Variants in ANTXR1 observed in about 807,000 individuals in gnomAD.
ANTXR1 encodes the protein ANTXR cell adhesion molecule 1.
A neutral mutation model predicts 78.1 loss-of-function variants in ANTXR1; 19 were observed. That is an observed-to-expected ratio of 0.24 (90% confidence interval 0.17 to 0.36). The LOEUF is 0.36. Among genes scored for constraint, ANTXR1 ranks in the 10% least tolerant of loss-of-function variants. The pLI is 1.00. For synonymous variants in ANTXR1, 273 were observed against 260.5 expected (o/e 1.05, Z -0.46); for missense variants, 518 against 718.6 (o/e 0.72, Z 3.19).
intron 12 of ANTXR1, among the ~76,000 whole-genome samples, chr2:69,138,838 G>C (rs1335098888): frequency 2.0e-5 from 3 of 152,108 alleles, no homozygotes; most frequent in Admixed American, 2.0e-4. Context: ...CAGGAAAACT[G>C]TTTCATTTGC....
chr2:69,193,855 G>A (rs538041363), intron 17 of ANTXR1, among the ~76,000 whole-genome samples: 67 of 152,290 alleles, frequency 4.4e-4, no homozygotes, highest in Non-Finnish European at 8.5e-4. Flanking sequence ...GATGGGGTGA[G>A]GGCAAGGAAG....
intron 10 of ANTXR1, among the ~76,000 whole-genome samples, chr2:69,109,471 A>T (rs985809336): frequency 6.6e-6 from 1 of 152,254 alleles, no homozygotes; most frequent in African/African-American, 2.4e-5. Context: ...AAAACGCTGC[A>T]GTAATTGGAA....
intron 9 of ANTXR1, among the ~76,000 whole-genome samples, chr2:69,096,133 C>T (rs1246061215): frequency 1.3e-5 from 2 of 151,758 alleles, no homozygotes; most frequent in Non-Finnish European, 2.9e-5. Context: ...TGGCGGGCTC[C>T]TGTAGTCCCA....
intron 1 of ANTXR1, among the ~76,000 whole-genome samples, chr2:69,014,369 A>T (rs1453514765): frequency 6.6e-6 from 1 of 151,900 alleles, no homozygotes; most frequent in Non-Finnish European, 1.5e-5. Flanking sequence ...ATGCCTCCAG[A>T]CATTGCCAAA....
At chr2:69,060,810 CA>C (rs1670213087) in intron 3 of ANTXR1, among the ~76,000 whole-genome samples, 1 of 152,034 alleles carries the variant, frequency 6.6e-6, no homozygotes, top group Admixed American at 6.6e-5. Flanking sequence ...TGAGGACTTC[CA>C]ACTTTAAAAT....
At chr2:69,075,566 A>ATGTCCTTTC (rs1181298054) in intron 6 of ANTXR1, 24 bp from the exon 7 acceptor site, 12 of 1,611,450 alleles carry the variant, frequency 7.4e-6, no homozygotes, top group Non-Finnish European at 1.0e-5. Context: ...TCTCTTTCTA[A>ATGTCCTTTC]TGTCCTTTCT....
intron 3 of ANTXR1, among the ~76,000 whole-genome samples, chr2:69,069,267 T>G (rs148588668): frequency 3.4e-4 from 52 of 152,316 alleles, no homozygotes; most frequent in Non-Finnish European, 6.8e-4. Flanking sequence ...TTTATCATAC[T>G]GATTAAGAAC....
At chr2:69,123,834 C>A (rs147949357) in intron 11 of ANTXR1, among the ~76,000 whole-genome samples, 214 of 152,238 alleles carry the variant, frequency 1.4e-3, no homozygotes, top group African/African-American at 4.8e-3. Context: ...AATAACCTCT[C>A]CAAAACCGTG....
At chr2:69,118,038 A>G (rs1672209171) in intron 10 of ANTXR1, among the ~76,000 whole-genome samples, 1 of 152,172 alleles carries the variant, frequency 6.6e-6, no homozygotes, top group African/African-American at 2.4e-5. Flanking sequence ...CCTTGGGTAA[A>G]CCTATGTCAT....
At chr2:69,101,926 G>T (rs1671634549) in intron 9 of ANTXR1, among the ~76,000 whole-genome samples, 1 of 152,322 alleles carries the variant, frequency 6.6e-6, no homozygotes, top group South Asian at 2.1e-4. Context: ...TAATTATTGG[G>T]TTTTTTCCAT....
chr2:69,047,770 T>C (rs1317054597), intron 3 of ANTXR1, among the ~76,000 whole-genome samples: 3 of 152,160 alleles, frequency 2.0e-5, no homozygotes, highest in Non-Finnish European at 4.4e-5. Flanking sequence ...CAGCAGGTGA[T>C]ATAGGCAGTA....
At position 69,245,732 on chromosome 2, in the gene ANTXR1, G is replaced by T; in HGVS notation, c.*247G>T. The T allele has an allele frequency of 2.0e-6, 1 of 491,926 alleles. No individual in the cohort carries two copies. 30.5% of individuals were successfully genotyped at this position (491,926 alleles called of 1,614,324 possible). On this transcript the variant is annotated 3_prime_UTR_variant, in exon 18 of 18. Coordinates refer to ENST00000303714, the MANE Select transcript of ANTXR1 (RefSeq NM_032208.3). Reference sequence around the variant, plus strand: ...GCCAGCCATCTATCACCTCTAGAAGGTTCCAGAGACAGTGAAACTGCAAGA... The same window carrying T: ...GCCAGCCATCTATCACCTCTAGAAGTTTCCAGAGACAGTGAAACTGCAAGA...
At chr2:69,075,289 G>A (rs926921933) in intron 6 of ANTXR1, among the ~76,000 whole-genome samples, 1 of 152,144 alleles carries the variant, frequency 6.6e-6, no homozygotes, top group Non-Finnish European at 1.5e-5. Context: ...AATGGAAAAG[G>A]TAATCATTTC....
chr2:69,155,765 C>A (rs1287399705), intron 13 of ANTXR1, among the ~76,000 whole-genome samples: 2 of 152,148 alleles, frequency 1.3e-5, no homozygotes, highest in Non-Finnish European at 2.9e-5. Context: ...GAGCCAATGC[C>A]CTGATGGGAG....
At chr2:69,019,889 C>G (rs777282025) in intron 1 of ANTXR1, among the ~76,000 whole-genome samples, 1 of 152,190 alleles carries the variant, frequency 6.6e-6, no homozygotes, top group Non-Finnish European at 1.5e-5. Context: ...CAGCTCCACC[C>G]ATGTTCCTGC....
At chr2:69,200,643 T>C (rs2104484813) in intron 17 of ANTXR1, among the ~76,000 whole-genome samples, 1 of 152,322 alleles carries the variant, frequency 6.6e-6, no homozygotes, top group African/African-American at 2.4e-5. Context: ...CCATGGCTGC[T>C]TTCCCTCAAC....
chr2:69,096,282 A>AAGGGAGGAAGGG (rs1558540969), intron 9 of ANTXR1, among the ~76,000 whole-genome samples: 3 of 34,638 alleles, frequency 8.7e-5, no homozygotes, highest in South Asian at 1.7e-3. Flanking sequence ...GGAAGGAAGG[A>AAGGGAGGAAGGG]AGGAAGGGAG....
At chr2:69,163,080 G>A (rs1355738486) in intron 13 of ANTXR1, among the ~76,000 whole-genome samples, 1 of 152,002 alleles carries the variant, frequency 6.6e-6, no homozygotes, top group Non-Finnish European at 1.5e-5. Flanking sequence ...AGTAAATATG[G>A]CTCTTTACCT....
intron 17 of ANTXR1, among the ~76,000 whole-genome samples, chr2:69,237,833 T>C (rs1224380203): frequency 1.3e-5 from 2 of 152,240 alleles, no homozygotes; most frequent in Non-Finnish European, 1.5e-5. Flanking sequence ...TATATATGTA[T>C]GTATATGCAC....
Sources: allele counts gnomAD v4.1 joint callset (sites outside exome capture counted in the v4.1 genomes callset), GRCh38; gene constraint gnomAD v4.1.1; transcripts MANE v1.5; gene names NCBI Gene and HGNC (gene_info 2026-07-23, HGNC 2026-07-21).